Variants in CBL observed in about 807,000 individuals in gnomAD.
CBL encodes the protein E3 ubiquitin-protein ligase CBL.
In CBL, 45 loss-of-function variants were observed where a neutral mutation model predicts 96.9. The ratio of observed to expected loss-of-function variants is 0.46; its 90% CI spans 0.37 to 0.60. The LOEUF (loss-of-function observed/expected upper bound fraction) is 0.60. Among genes scored for constraint, CBL ranks in the 20% least tolerant of loss-of-function variants. The pLI, the probability that CBL is intolerant of heterozygous loss-of-function variation, is 0.00. For missense variants in CBL, 1,024 were observed against 1,143.5 expected (o/e 0.90, Z 1.51); for synonymous variants, 420 against 426.8 (o/e 0.98, Z 0.20).
At chr11:119,217,478 A>C (rs182164141) in intron 1 of CBL, among the ~76,000 whole-genome samples, 181 of 152,192 alleles carry the variant, frequency 1.2e-3, no homozygotes, top group African/African-American at 2.8e-3. Context: ...TTTCTTATAA[A>C]CCAGTACTTC....
Position 119,287,848 on chromosome 11 carries a change from C to G in CBL, c.1942-4C>G. 1 of 1,599,230 alleles carries G rather than the reference C, an allele frequency of 6.3e-7. No individual in the cohort carries two copies. The highest frequency in any genetic ancestry group is 8.6e-7 in the Non-Finnish European group (1 of 1,166,430). The stretch of plus-strand genomic sequence containing the variant: ...GTTTTTCAACACTTTTCTTTACTTT[C>G]CAGAGTATGAATAGCAGCCCATTAG... On this transcript the variant is annotated splice_polypyrimidine_tract_variant and splice_region_variant and intron_variant, in intron 11 of 15. Transcript: ENST00000264033.
chr11:119,280,216 T>C (rs1047554805), intron 9 of CBL, among the ~76,000 whole-genome samples: 1 of 152,198 alleles, frequency 6.6e-6, no homozygotes, highest in Non-Finnish European at 1.5e-5. Flanking sequence ...AGGCTAGCAG[T>C]GGGATTGCTG....
intron 2 of CBL, among the ~76,000 whole-genome samples, chr11:119,247,404 T>C (rs1565863852): frequency 6.6e-6 from 1 of 152,252 alleles, no homozygotes; most frequent in Non-Finnish European, 1.5e-5. Context: ...AAAAGAGCCA[T>C]TTCCATTTGC....
intron 12 of CBL, among the ~76,000 whole-genome samples, chr11:119,288,239 CTTTAAG>C (rs1440076668): frequency 6.6e-6 from 1 of 151,984 alleles, no homozygotes; most frequent in African/African-American, 2.4e-5. Flanking sequence ...TTCCAGCTTT[CTTTAAG>C]TTTAATTTGC....
chr11:119,247,392 GA>G (rs1949640063), intron 2 of CBL, among the ~76,000 whole-genome samples: 1 of 152,160 alleles, frequency 6.6e-6, no homozygotes, highest in Non-Finnish European at 1.5e-5. Context: ...GAAAAGATAG[GA>G]AAAAGAGCCA....
At position 119,206,390 on chromosome 11, in the gene CBL, C is replaced by T. The variant is rs2135243818; in HGVS notation, c.-28C>T. ...TCGCAGTCGAGCCGAGCCGGCGGAC[C>T]CGCCTGGGCTCCGACCCTGCCCAGG... On this transcript the variant is annotated 5_prime_UTR_variant, in exon 1 of 16. Transcript: ENST00000264033. 1 of 1,482,250 alleles carries T rather than the reference C, an allele frequency of 6.7e-7. No homozygotes were observed. Among genetic ancestry groups the T allele is most frequent in the Non-Finnish European group, 8.9e-7 (1 of 1,118,524 alleles). The allele number at this position is 1,482,250 out of a possible 1,614,324, so 91.8% of individuals were successfully genotyped here.
At chr11:119,219,909 G>T (rs1949394574) in intron 1 of CBL, among the ~76,000 whole-genome samples, 1 of 151,012 alleles carries the variant, frequency 6.6e-6, no homozygotes, top group Non-Finnish European at 1.5e-5. Context: ...TAGTGCAGTG[G>T]CGTGATCTCG....
intron 2 of CBL, among the ~76,000 whole-genome samples, chr11:119,264,268 G>A (rs2135289845): frequency 6.6e-6 from 1 of 152,296 alleles, no homozygotes; most frequent in South Asian, 2.1e-4. Context: ...ATGTTGCCCA[G>A]GCTGGTACGA....
At chr11:119,245,227 T>A (rs906683789) in intron 2 of CBL, among the ~76,000 whole-genome samples, 4 of 151,808 alleles carry the variant, frequency 2.6e-5, no homozygotes, top group African/African-American at 9.7e-5. Context: ...AGCTTTTTTT[T>A]ATTAATGCAG....
intron 3 of CBL, among the ~76,000 whole-genome samples, chr11:119,272,751 G>T (rs1212217448): frequency 1.3e-5 from 2 of 152,020 alleles, no homozygotes; most frequent in Non-Finnish European, 2.9e-5. Context: ...ATTCTTACTT[G>T]CCTGTTCCTA....
At chr11:119,278,063 TA>T (rs2135303262) in intron 7 of CBL, 102 bp from the exon 8 acceptor site, 1 of 1,077,416 alleles carries the variant, frequency 9.3e-7, no homozygotes, top group Non-Finnish European at 1.4e-6. Flanking sequence ...CATTTTTATA[TA>T]AGCAAAATTT....
intron 2 of CBL, among the ~76,000 whole-genome samples, chr11:119,247,832 T>C (rs1329378142): frequency 1.3e-5 from 2 of 152,040 alleles, no homozygotes; most frequent in African/African-American, 4.8e-5. Flanking sequence ...TATAGTTTTA[T>C]ACATAAGGAA....
At chr11:119,222,620 G>T (rs1335721801) in intron 1 of CBL, among the ~76,000 whole-genome samples, 1 of 152,168 alleles carries the variant, frequency 6.6e-6, no homozygotes, top group South Asian at 2.1e-4. Context: ...ATGGAGGACA[G>T]ACTAAGCAGG....
chr11:119,306,472 C>A lies in CBL; in HGVS notation c.*6691C>A. On this transcript the variant is annotated 3_prime_UTR_variant, in exon 16 of 16. Transcript: ENST00000264033. ...CAGGAGGCCAGAGAGGAGTATTGCT[C>A]AATGCGTGCTATGTGCAACTCCTCA... is the stretch of plus-strand genomic sequence containing the variant. 1 of 397,794 alleles carries A rather than the reference C, an allele frequency of 2.5e-6. No individual in the cohort carries two copies. The highest frequency in any genetic ancestry group is 1.4e-4 in the South Asian group (1 of 7,334). The allele number at this position is 397,794 out of a possible 1,614,324, so 24.6% of individuals were successfully genotyped here.
chr11:119,264,458 TTC>T (rs1484310690), intron 2 of CBL, among the ~76,000 whole-genome samples: 3 of 133,700 alleles, frequency 2.2e-5, no homozygotes, highest in Admixed American at 8.1e-5. Context: ...TTCTCTTCTC[TTC>T]TCTTTTCTTC....
intron 12 of CBL, among the ~76,000 whole-genome samples, chr11:119,291,769 A>T (rs1950028394): frequency 6.6e-6 from 1 of 152,212 alleles, no homozygotes; most frequent in Non-Finnish European, 1.5e-5. Flanking sequence ...CTGCCTACAA[A>T]ACGTTTTCCC....
In CBL at chr11:119,228,028, A is replaced by G. The variant is rs373484876; in HGVS notation, c.196-4420A>G. On this transcript the variant is annotated intron_variant, in intron 1 of 15. Coordinates refer to ENST00000264033, the MANE Select transcript of CBL (RefSeq NM_005188.4). ...TTAACTTACAGCCTCCATATGTACA[A>G]ATTGGTCTCTGTCTGAACCTATGCT... 8.1e-4 allele frequency among the ~76,000 whole-genome samples: 123 copies of G among 152,170 alleles called. 1 individual carries two copies. Among genetic ancestry groups the G allele is most frequent in the African/African-American group, 2.8e-3 (118 of 41,520 alleles).
At chr11:119,223,401 AATTATGTTATGTTATGTTATGTT>A (rs1347202863) in intron 1 of CBL, among the ~76,000 whole-genome samples, 1 of 147,168 alleles carries the variant, frequency 6.8e-6, no homozygotes, top group Non-Finnish European at 1.5e-5. Context: ...TTTTATTTTG[AATTATGTTATGTTATGTTATGTT>A]ATTATGTTAT....
At chr11:119,242,015 C>T (rs921993616) in intron 2 of CBL, among the ~76,000 whole-genome samples, 1 of 152,134 alleles carries the variant, frequency 6.6e-6, no homozygotes, top group East Asian at 1.9e-4. Flanking sequence ...TTTACAGTGA[C>T]AGTATTGGCT....
Sources: allele counts gnomAD v4.1 joint callset (sites outside exome capture counted in the v4.1 genomes callset), GRCh38; gene constraint gnomAD v4.1.1; transcripts MANE v1.5; gene names NCBI Gene and HGNC (gene_info 2026-07-23, HGNC 2026-07-21).